Variants in SORCS2 observed in about 807,000 individuals in gnomAD.
SORCS2 encodes the protein VPS10 domain-containing receptor SorCS2.
SORCS2 carries 100 observed loss-of-function variants against 141.6 expected under a neutral mutation model. The observed-to-expected ratio is 0.71, with a 90% CI of 0.60 to 0.83. The LOEUF (loss-of-function observed/expected upper bound fraction) is 0.83. SORCS2 is among the 40% of genes least tolerant of loss of function. The probability of loss-of-function intolerance (pLI) is 0.00; values close to 1 mark genes in which losing one functional copy is unlikely to be tolerated. For missense variants in SORCS2, 1,646 were observed against 1,560.2 expected (o/e 1.05, Z -0.93); for synonymous variants, 789 against 676.9 (o/e 1.17, Z -2.57).
intron 4 of SORCS2, among the ~76,000 whole-genome samples, chr4:7,640,906 A>G (rs1018392679): frequency 2.0e-5 from 3 of 152,082 alleles, no homozygotes; most frequent in African/African-American, 7.2e-5. Flanking sequence ...CACAGATGGA[A>G]TCCAATCAGA....
chr4:7,477,695 G>A (rs567973231), intron 2 of SORCS2, among the ~76,000 whole-genome samples: 59 of 152,330 alleles, frequency 3.9e-4, no homozygotes, highest in Non-Finnish European at 1.6e-4. Context: ...ACAAATGGCC[G>A]TGAGATGAGA....
intron 10 of SORCS2, among the ~76,000 whole-genome samples, chr4:7,688,351 C>T (rs1724003255): frequency 6.6e-6 from 1 of 152,158 alleles, no homozygotes; most frequent in African/African-American, 2.4e-5. Flanking sequence ...TCCTAAGTTA[C>T]AATTTGGATC....
intron 3 of SORCS2, among the ~76,000 whole-genome samples, chr4:7,588,991 C>T (rs1716726343): frequency 6.6e-6 from 1 of 152,166 alleles, no homozygotes; most frequent in Non-Finnish European, 1.5e-5. Context: ...GGGCTGCGGG[C>T]CCAGGGAACA....
In SORCS2 at chr4:7,664,621, T is replaced by C; in HGVS notation, c.1071+150T>C. The stretch of plus-strand genomic sequence containing the variant: ...CTTCGCAGGTCACGGTTTCTGACCG[T>C]GGCTGTGGCTGCAGCCATCCACAGA... On this transcript the variant is annotated intron_variant, in intron 7 of 26. Coordinates refer to ENST00000507866, the MANE Select transcript of SORCS2 (RefSeq NM_020777.3). This position sits in a 1 kb window ranked among gnomAD's most constrained non-coding sequence, Gnocchi z 4.7. 1 of 625,450 alleles carries C rather than the reference T, an allele frequency of 1.6e-6. No homozygotes were observed. Among genetic ancestry groups the C allele is most frequent in the Non-Finnish European group, 2.8e-6 (1 of 359,664 alleles). The allele number at this position is 625,450 out of a possible 1,614,324, so 38.7% of individuals were successfully genotyped here.
chr4:7,652,693 C>T (rs1721520158), intron 4 of SORCS2, among the ~76,000 whole-genome samples: 1 of 152,134 alleles, frequency 6.6e-6, no homozygotes, highest in African/African-American at 2.4e-5. Flanking sequence ...CATTCTGCTG[C>T]TGCCCCCAGC....
chr4:7,618,452 G>T, intron 3 of SORCS2, among the ~76,000 whole-genome samples: 1 of 152,070 alleles, frequency 6.6e-6, no homozygotes, highest in South Asian at 2.1e-4. Flanking sequence ...TCTGTTCAAG[G>T]CCCCCAATGG....
chr4:7,714,518 C>A, intron 16 of SORCS2, 145 bp downstream of exon 16: 1 of 922,338 alleles, frequency 1.1e-6, no homozygotes, highest in Non-Finnish European at 1.6e-6. Context: ...ACTTCTGCCT[C>A]ATTCCATCTG....
rs1046433037 is a variant in SORCS2 at position 7,193,318 on chromosome 4, C to T, written c.480+192C>T. On this transcript the variant is annotated intron_variant, in intron 1 of 26. Transcript: ENST00000507866. The surrounding 1 kb of genome is among the most constrained non-coding windows in gnomAD (Gnocchi z 4.8). Reference sequence around the variant, plus strand: ...GTCACTGGTTACTTGGGGAGAGGTCCTCAGATTCGTACGCTTGTCTCACCG... The same window carrying T: ...GTCACTGGTTACTTGGGGAGAGGTCTTCAGATTCGTACGCTTGTCTCACCG... 1.4e-4 allele frequency among the ~76,000 whole-genome samples: 21 copies of T among 152,318 alleles called. No individual in the cohort carries two copies. Among genetic ancestry groups the T allele is most frequent in the African/African-American group, 4.6e-4 (19 of 41,576 alleles).
intron 4 of SORCS2, among the ~76,000 whole-genome samples, chr4:7,647,430 C>A (rs1354120253): frequency 6.6e-6 from 1 of 152,148 alleles, no homozygotes. Context: ...CCTTTCTCAC[C>A]GCTCACTGTC....
intron 1 of SORCS2, among the ~76,000 whole-genome samples, chr4:7,238,840 A>G (rs1393132507): frequency 2.6e-5 from 4 of 152,150 alleles, no homozygotes; most frequent in African/African-American, 9.7e-5. Flanking sequence ...GGGCTGGGCC[A>G]GTGAGCCCTC....
At chr4:7,431,523 G>C (rs954107724) in intron 2 of SORCS2, 1 of 152,290 alleles carries the variant, frequency 6.6e-6, no homozygotes, top group Non-Finnish European at 1.5e-5. Flanking sequence ...AACACCTACC[G>C]GCAGGCAGAC....
At chr4:7,477,487 C>T (rs370309530) in intron 2 of SORCS2, among the ~76,000 whole-genome samples, 2 of 151,286 alleles carry the variant, frequency 1.3e-5, no homozygotes, top group Non-Finnish European at 3.0e-5. Flanking sequence ...GAGAACAGAG[C>T]GGCCCAGTGA....
chr4:7,686,989 C>T (rs1723919795), intron 10 of SORCS2, among the ~76,000 whole-genome samples: 2 of 152,216 alleles, frequency 1.3e-5, no homozygotes, highest in Non-Finnish European at 2.9e-5. Flanking sequence ...CAGAATAGGC[C>T]ACTAGTGGCG....
chr4:7,713,418 T>C (rs1039319607), intron 15 of SORCS2, among the ~76,000 whole-genome samples: 2 of 151,912 alleles, frequency 1.3e-5, no homozygotes, highest in African/African-American at 4.8e-5. Flanking sequence ...GGTGGCCCTG[T>C]TGAAGAAATG....
chr4:7,640,476 G>A (rs955524968), intron 4 of SORCS2, among the ~76,000 whole-genome samples: 1 of 98,602 alleles, frequency 1.0e-5, no homozygotes, highest in Non-Finnish European at 2.1e-5. Flanking sequence ...GTGTGTGTGT[G>A]TGAGAGAGAG....
At chr4:7,425,830 G>A (rs774704016) in intron 2 of SORCS2, among the ~76,000 whole-genome samples, 4 of 152,244 alleles carry the variant, frequency 2.6e-5, no homozygotes, top group Non-Finnish European at 5.9e-5. Context: ...CAAGCATCCC[G>A]AGGCAGGGAC....
chr4:7,572,719 A>G (rs183452133), intron 3 of SORCS2, among the ~76,000 whole-genome samples: 52 of 152,346 alleles, frequency 3.4e-4, no homozygotes, highest in East Asian at 2.9e-3. Context: ...TTTATGTTGA[A>G]GTTCAGCTGC....
intron 2 of SORCS2, among the ~76,000 whole-genome samples, chr4:7,499,504 G>A (rs1407327575): frequency 2.0e-5 from 3 of 152,246 alleles, no homozygotes; most frequent in South Asian, 2.1e-4. Flanking sequence ...GGGAGATGGC[G>A]TGGGGCGGAC....
intron 2 of SORCS2, among the ~76,000 whole-genome samples, chr4:7,510,038 T>C (rs1339142103): frequency 6.6e-6 from 1 of 152,262 alleles, no homozygotes; most frequent in Admixed American, 6.5e-5. Context: ...AGACTGTAAC[T>C]GTGCTGCCTC....
Sources: gnomAD v4.1 joint callset for allele counts (sites outside exome capture counted in the v4.1 genomes callset) on GRCh38, gnomAD v4.1.1 for gene constraint, Gnocchi (gnomAD v3.1) non-coding constraint, MANE v1.5 for transcripts, NCBI Gene and HGNC (gene_info 2026-07-23, HGNC 2026-07-21) for gene names.